PPP1R14C: variants seen among roughly 807,000 people sequenced by gnomAD.
PPP1R14C encodes protein phosphatase 1 regulatory inhibitor subunit 14C, also known as protein phosphatase 1 regulatory subunit 14C.
Under a neutral mutation model 20.4 loss-of-function variants are expected in PPP1R14C, and 16 were observed. That is an observed-to-expected ratio of 0.78 (90% CI 0.53 to 1.19). The LOEUF (loss-of-function observed/expected upper bound fraction) is 1.19, where lower values mean the gene tolerates loss of function less well. Among genes scored for constraint, PPP1R14C ranks in the 50% most tolerant of loss-of-function variants. The pLI, the probability that PPP1R14C is intolerant of heterozygous loss-of-function variation, is 0.00. For synonymous variants in PPP1R14C, 91 were observed against 91.0 expected (o/e 1.00, Z 0.00); for missense variants, 211 against 220.1 (o/e 0.96, Z 0.26).
chr6:150,195,825 G>A (rs1355502693), intron 1 of PPP1R14C: 1 of 985,242 alleles, frequency 1.0e-6, no homozygotes, highest in African/African-American at 1.7e-5. Context: ...TTCTTGATGG[G>A]TTTTAATATG....
chr6:150,227,845 T>A (rs1452284783), intron 3 of PPP1R14C, among the ~76,000 whole-genome samples: 1 of 152,198 alleles, frequency 6.6e-6, no homozygotes, highest in Non-Finnish European at 1.5e-5. Flanking sequence ...GGCAGGCAAG[T>A]ATTAAAGGAT....
At chr6:150,169,436 G>T (rs947942692) in intron 1 of PPP1R14C, among the ~76,000 whole-genome samples, 2 of 152,158 alleles carry the variant, frequency 1.3e-5, no homozygotes, top group Admixed American at 1.3e-4. Context: ...TGACGTCTTT[G>T]AACTGTTGAA....
Position 150,187,247 on chromosome 6 carries a change from CTGTGTGTGTGTGTGTG to C in PPP1R14C, c.307-27467_307-27452del, listed in dbSNP as rs61153538. On this transcript the variant is annotated intron_variant, in intron 1 of 3. Transcript: ENST00000361131. ...TGCCCACCTTGGCCTTTCTCTTTCT[CTGTGTGTGTGTGTGTG>C]TGTGTGTGTGTGTGTGTGTGTGTGT... Among the ~76,000 whole-genome samples, 1,048 of 141,588 alleles carry C rather than the reference CTGTGTGTGTGTGTGTG, an allele frequency of 7.4e-3. 11 individuals carry two copies. The highest frequency in any genetic ancestry group is 0.026 in the African/African-American group (988 of 37,604). 92.9% of individuals were successfully genotyped at this position (141,588 alleles called of 152,430 possible).
At chr6:150,205,791 CAAA>C (rs61626886) in intron 1 of PPP1R14C, among the ~76,000 whole-genome samples, 5,951 of 118,898 alleles carry the variant, frequency 0.05, 150 homozygotes, top group African/African-American at 0.063. Context: ...GCCTCCGTCT[CAAA>C]AAAAAAAAAA....
intron 1 of PPP1R14C, among the ~76,000 whole-genome samples, chr6:150,194,066 T>C (rs1194684751): frequency 1.3e-5 from 2 of 152,292 alleles, no homozygotes; most frequent in Non-Finnish European, 1.5e-5. Flanking sequence ...TCCTTTTGTT[T>C]GGTTTTCATT....
chr6:150,212,518 T>C (rs947875079), intron 1 of PPP1R14C, among the ~76,000 whole-genome samples: 6 of 152,228 alleles, frequency 3.9e-5, no homozygotes, highest in Non-Finnish European at 7.3e-5. Context: ...ATTTGAATTA[T>C]ATTTGCAGAA....
At chr6:150,205,234 C>T (rs1407414162) in intron 1 of PPP1R14C, among the ~76,000 whole-genome samples, 2 of 152,018 alleles carry the variant, frequency 1.3e-5, no homozygotes, top group East Asian at 1.9e-4. Flanking sequence ...GTTGCTTTGC[C>T]GCCGCCCCCA....
rs755139517 is a variant in PPP1R14C at position 150,185,932 on chromosome 6, G to A, written c.307-28812G>A. Among the ~76,000 whole-genome samples, 6 of 152,148 alleles carry A rather than the reference G, an allele frequency of 3.9e-5. No individual in the cohort carries two copies. The highest frequency in any genetic ancestry group is 1.2e-4 in the African/African-American group (5 of 41,448). ...TATCGGCTCCTAAAGCCTCTACCAG[G>A]AAGTGCACACATCACTTCACATCAG... On this transcript the variant is annotated intron_variant, in intron 1 of 3. Transcript: ENST00000361131. The surrounding 1 kb of genome is among the most constrained non-coding windows in gnomAD (Gnocchi z 4.1).
intron 1 of PPP1R14C, among the ~76,000 whole-genome samples, chr6:150,206,679 A>G (rs1777955566): frequency 6.6e-6 from 1 of 152,158 alleles, no homozygotes; most frequent in Admixed American, 6.5e-5. Flanking sequence ...CGCAGCTGTC[A>G]TTTGCATCTG....
At position 150,248,927 on chromosome 6, in the gene PPP1R14C, GTT is replaced by G. The variant is rs369389461; in HGVS notation, c.*119_*120del. 5.2e-4 allele frequency: 231 copies of G among 445,442 alleles called. No homozygotes were observed. The highest frequency in any genetic ancestry group is 1.7e-3 in the South Asian group (33 of 19,054). The allele number at this position is 445,442 out of a possible 1,614,324, so 27.6% of individuals were successfully genotyped here. On this transcript the variant is annotated 3_prime_UTR_variant, in exon 4 of 4. Transcript: ENST00000361131. The stretch of plus-strand genomic sequence containing the variant: ...AGGTGTCCTTATGAACAACGTTTTT[GTT>G]TTTTTTTTTTTCTTTTTTGGTGTGA...
At chr6:150,149,439 C>A (rs1175428976) in intron 1 of PPP1R14C, among the ~76,000 whole-genome samples, 8 of 143,886 alleles carry the variant, frequency 5.6e-5, no homozygotes, top group African/African-American at 2.1e-4. Flanking sequence ...GATCCTCCCA[C>A]CTAATTTTTT....
intron 1 of PPP1R14C, among the ~76,000 whole-genome samples, chr6:150,208,241 A>G (rs1247862992): frequency 6.6e-6 from 1 of 152,062 alleles, no homozygotes; most frequent in Non-Finnish European, 1.5e-5. Context: ...TTGAGGGTGG[A>G]AATGGTTTCC....
chr6:150,213,964 G>A (rs1778058418), intron 1 of PPP1R14C, among the ~76,000 whole-genome samples: 1 of 152,222 alleles, frequency 6.6e-6, no homozygotes. Flanking sequence ...ATTCTCTTCA[G>A]CTCTGCCTAA....
intron 1 of PPP1R14C, among the ~76,000 whole-genome samples, chr6:150,152,101 C>T (rs992748545): frequency 7.9e-6 from 1 of 126,572 alleles, no homozygotes; most frequent in Non-Finnish European, 1.6e-5. Context: ...GCCTGGGCGA[C>T]AGAGCGAGAC....
chr6:150,184,469 T>C lies in PPP1R14C; in HGVS notation c.307-30275T>C, dbSNP rs541776178. Among the ~76,000 whole-genome samples, 3 of 152,330 alleles carry C rather than the reference T, an allele frequency of 2.0e-5. No individual in the cohort carries two copies. The East Asian group carries it at 5.8e-4, about 29-fold the overall frequency. On this transcript the variant is annotated intron_variant, in intron 1 of 3. Coordinates refer to ENST00000361131, the MANE Select transcript of PPP1R14C (RefSeq NM_030949.3). The stretch of plus-strand genomic sequence containing the variant: ...TACCATCTAGATTGTGTAAGTTCAC[T>C]CTGTGATGTTTGCACAATGACAGAA...
intron 3 of PPP1R14C, among the ~76,000 whole-genome samples, chr6:150,218,105 T>G (rs758076222): frequency 1.4e-4 from 22 of 151,830 alleles, no homozygotes; most frequent in Non-Finnish European, 4.4e-5. Context: ...GATCTCGTCT[T>G]TTAAGAAAAA....
chr6:150,231,788 A>C (rs1329959201), intron 3 of PPP1R14C, among the ~76,000 whole-genome samples: 1 of 152,232 alleles, frequency 6.6e-6, no homozygotes, highest in Non-Finnish European at 1.5e-5. Context: ...GGTGTCGGAC[A>C]CTTATCCTTG....
chr6:150,239,558 G>T (rs1217284071), intron 3 of PPP1R14C, among the ~76,000 whole-genome samples: 1 of 152,158 alleles, frequency 6.6e-6, no homozygotes. Context: ...ATCAAAATGT[G>T]TGAGATGCCA....
intron 1 of PPP1R14C, among the ~76,000 whole-genome samples, chr6:150,164,379 T>C (rs1777402653): frequency 6.6e-6 from 1 of 152,234 alleles, no homozygotes; most frequent in Non-Finnish European, 1.5e-5. Flanking sequence ...TTCTTAATCT[T>C]AATATTTTCC....
Sources: allele counts gnomAD v4.1 joint callset (sites outside exome capture counted in the v4.1 genomes callset), GRCh38; gene constraint gnomAD v4.1.1; non-coding constraint Gnocchi (gnomAD v3.1); transcripts MANE v1.5; gene names NCBI Gene and HGNC (gene_info 2026-07-23, HGNC 2026-07-21).